Variants in BABAM2 observed in about 807,000 individuals in gnomAD.
BABAM2 encodes BRISC and BRCA1-A complex member 2.
A neutral mutation model predicts 54.7 loss-of-function variants in BABAM2; 31 were observed. That is an observed-to-expected ratio of 0.57 (90% CI 0.43 to 0.77). The LOEUF (loss-of-function observed/expected upper bound fraction) is 0.77. BABAM2 is among the 30% of genes least tolerant of loss of function. The pLI is 0.00. For synonymous variants in BABAM2, 167 were observed against 162.9 expected (o/e 1.03, Z -0.19); for missense variants, 364 against 455.8 (o/e 0.80, Z 1.83).
At chr2:28,297,259 C>T (rs1010215646) in intron 10 of BABAM2, among the ~76,000 whole-genome samples, 1 of 152,180 alleles carries the variant, frequency 6.6e-6, no homozygotes, top group Non-Finnish European at 1.5e-5. Context: ...CTCTGGTTTG[C>T]TCACCTGTTA....
chr2:28,003,002 T>G (rs932548225), intron 4 of BABAM2, among the ~76,000 whole-genome samples: 7 of 152,124 alleles, frequency 4.6e-5, no homozygotes, highest in Non-Finnish European at 8.8e-5. Flanking sequence ...GGGTATAAAA[T>G]TATAAATCAT....
At chr2:28,295,451 C>G (rs1687603332) in intron 10 of BABAM2, among the ~76,000 whole-genome samples, 1 of 151,778 alleles carries the variant, frequency 6.6e-6, no homozygotes, top group Non-Finnish European at 1.5e-5. Flanking sequence ...TTTATATTTG[C>G]AAAAGTGTAC....
chr2:28,252,714 A>G (rs1418716648), intron 10 of BABAM2, among the ~76,000 whole-genome samples: 2 of 152,254 alleles, frequency 1.3e-5, no homozygotes, highest in Non-Finnish European at 2.9e-5. Flanking sequence ...TTAAGGAAGA[A>G]GGTTGTAAAT....
intron 6 of BABAM2, among the ~76,000 whole-genome samples, chr2:28,070,300 C>T (rs1432552342): frequency 6.6e-6 from 1 of 152,134 alleles, no homozygotes; most frequent in Admixed American, 6.5e-5. Context: ...GAAAACTATC[C>T]CCTCTGTTAG....
At chr2:27,969,749 T>C (rs1344494323) in intron 3 of BABAM2, among the ~76,000 whole-genome samples, 1 of 152,046 alleles carries the variant, frequency 6.6e-6, no homozygotes, top group Non-Finnish European at 1.5e-5. Context: ...ACATTTTTGG[T>C]AGTGACAACT....
At chr2:28,108,599 C>A (rs879703288) in intron 6 of BABAM2, among the ~76,000 whole-genome samples, 1 of 152,168 alleles carries the variant, frequency 6.6e-6, no homozygotes, top group Non-Finnish European at 1.5e-5. Flanking sequence ...CTAACAAAGC[C>A]ACCTACTCAA....
chr2:27,918,985 C>T (rs550233660), intron 2 of BABAM2, among the ~76,000 whole-genome samples: 20 of 152,234 alleles, frequency 1.3e-4, no homozygotes, highest in African/African-American at 2.9e-4. Context: ...CCACTGTGCC[C>T]GGCCTCATTA....
At chr2:28,026,897 A>ATATATATAG (rs1558667588) in intron 5 of BABAM2, among the ~76,000 whole-genome samples, 270 of 20,620 alleles carry the variant, frequency 0.013, 10 homozygotes, top group Non-Finnish European at 0.031. Context: ...GATATATATA[A>ATATATATAG]ATATATATAA....
chr2:28,162,997 T>G (rs775750083), intron 7 of BABAM2, among the ~76,000 whole-genome samples: 7 of 152,136 alleles, frequency 4.6e-5, no homozygotes, highest in Non-Finnish European at 1.0e-4. Flanking sequence ...TAAGAATAAA[T>G]TGGTTTTTTA....
chr2:28,248,975 C>T (rs968006621), intron 10 of BABAM2, among the ~76,000 whole-genome samples: 4 of 151,996 alleles, frequency 2.6e-5, no homozygotes, highest in Non-Finnish European at 5.9e-5. Context: ...AAGATACTTA[C>T]AGTAACATAG....
intron 7 of BABAM2, among the ~76,000 whole-genome samples, chr2:28,218,590 T>A (rs1252935211): frequency 6.6e-6 from 1 of 152,186 alleles, no homozygotes; most frequent in Non-Finnish European, 1.5e-5. Flanking sequence ...AAAAGTCACA[T>A]GATGTCAGTT....
At chr2:27,897,833 C>G (rs1665462253) in intron 2 of BABAM2, among the ~76,000 whole-genome samples, 1 of 152,140 alleles carries the variant, frequency 6.6e-6, no homozygotes, top group South Asian at 2.1e-4. Flanking sequence ...ATTGGAGCCT[C>G]CTAAATTACA....
intron 3 of BABAM2, among the ~76,000 whole-genome samples, chr2:27,968,507 G>A (rs564100466): frequency 1.7e-4 from 26 of 152,328 alleles, no homozygotes; most frequent in African/African-American, 6.3e-4. Flanking sequence ...GGAAATGTGG[G>A]GTTGGAGCCC....
chr2:28,108,799 T>G lies in BABAM2; in HGVS notation c.571-20472T>G, dbSNP rs557252559. Among the ~76,000 whole-genome samples, 8 of 152,300 alleles carry G rather than the reference T, an allele frequency of 5.3e-5. No homozygotes were observed. The East Asian group carries it at 1.5e-3, about 29-fold the overall frequency. On this transcript the variant is annotated intron_variant, in intron 6 of 11. Coordinates refer to ENST00000379624, the MANE Select transcript of BABAM2 (RefSeq NM_199191.3). ...CTCATTTAGTAAGTGACAAAGAATT[T>G]TCAAAGCAAATTTGGATATAGCAGA...
chr2:28,092,920 C>T (rs1666285163), intron 6 of BABAM2, among the ~76,000 whole-genome samples: 1 of 152,142 alleles, frequency 6.6e-6, no homozygotes, highest in South Asian at 2.1e-4. Context: ...GCACATAGCA[C>T]TGAGTGTGCT....
intron 2 of BABAM2, among the ~76,000 whole-genome samples, chr2:27,923,041 C>T (rs1667446591): frequency 6.6e-6 from 1 of 152,168 alleles, no homozygotes; most frequent in Non-Finnish European, 1.5e-5. Flanking sequence ...TGATTTATGA[C>T]AGCAGCTTCA....
chr2:27,915,607 A>G (rs1666908440), intron 2 of BABAM2, among the ~76,000 whole-genome samples: 1 of 152,232 alleles, frequency 6.6e-6, no homozygotes, highest in African/African-American at 2.4e-5. Context: ...GTAGTTCCAG[A>G]TATGCTCATA....
chr2:27,927,635 G>A (rs1667803932), intron 2 of BABAM2, among the ~76,000 whole-genome samples: 1 of 152,040 alleles, frequency 6.6e-6, no homozygotes, highest in Non-Finnish European at 1.5e-5. Context: ...CCTCTAAAAT[G>A]TACTCTGAGA....
chr2:28,261,376 G>T (rs1313810744), intron 10 of BABAM2, among the ~76,000 whole-genome samples: 1 of 149,656 alleles, frequency 6.7e-6, no homozygotes, highest in Non-Finnish European at 1.5e-5. Flanking sequence ...GCCCAGGCTG[G>T]AGTGCAGTGG....
Sources: gnomAD v4.1 joint callset for allele counts (sites outside exome capture counted in the v4.1 genomes callset) on GRCh38, gnomAD v4.1.1 for gene constraint, MANE v1.5 for transcripts, NCBI Gene and HGNC (gene_info 2026-07-23, HGNC 2026-07-21) for gene names.